PRKAR1B: variants seen among roughly 807,000 people sequenced by gnomAD.
PRKAR1B encodes the protein cAMP-dependent protein kinase type I-beta regulatory subunit.
PRKAR1B carries 22 observed loss-of-function variants against 46.5 expected under a neutral mutation model. The observed-to-expected ratio is 0.47, with a 90% CI of 0.34 to 0.68. The LOEUF (loss-of-function observed/expected upper bound fraction) is 0.68. Ranked by LOEUF, PRKAR1B falls within the 30% of genes least tolerant of loss-of-function variation. The pLI is 0.01. For synonymous variants in PRKAR1B, 259 were observed against 217.7 expected, an observed-to-expected ratio of 1.19 and a Z score of -1.67; for missense variants, 445 against 535.6, an observed-to-expected ratio of 0.83 and a Z score of 1.67.
chr7:639,044 C>CT (rs1784263193), intron 4 of PRKAR1B, among the ~76,000 whole-genome samples: 1 of 152,086 alleles, frequency 6.6e-6, no homozygotes, highest in South Asian at 2.1e-4. Flanking sequence ...CGCCACTGTA[C>CT]TCCAGCCTGG....
intron 4 of PRKAR1B, among the ~76,000 whole-genome samples, chr7:661,323 C>A (rs1374944743): frequency 4.3e-5 from 3 of 69,080 alleles, no homozygotes; most frequent in African/African-American, 2.0e-4. Context: ...GCACAGGTCC[C>A]CACGCCAACG....
In PRKAR1B at chr7:680,665, T is replaced by G; in HGVS notation, c.239A>C (p.Glu80Ala). The change falls in exon 3 of 11, where the codon GAG (glutamate) becomes GCG (alanine). Residue 80 changes from glutamate to alanine, a missense_variant. Coordinates refer to ENST00000537384, the MANE Select transcript of PRKAR1B (RefSeq NM_001164760.2). ...KSNSQSDSHD[E>A]EVSPTPPNPV... ...GTTCGGGGGGGTGGGCGACACCTCCTCATCATGGGAGTCCGACTGTGAGTT... is the reference window on the plus strand; with the variant it reads ...GTTCGGGGGGGTGGGCGACACCTCCGCATCATGGGAGTCCGACTGTGAGTT... The G allele has an allele frequency of 6.2e-7, 1 of 1,613,562 alleles. No individual in the cohort carries two copies.
At chr7:707,782 C>G (rs1054879399) in intron 2 of PRKAR1B, among the ~76,000 whole-genome samples, 1 of 152,142 alleles carries the variant, frequency 6.6e-6, no homozygotes, top group Non-Finnish European at 1.5e-5. Context: ...CACCCACAAT[C>G]GCCAGCACCA....
In PRKAR1B at chr7:663,612, C is replaced by T. The variant is rs553897151; in HGVS notation, c.440+13617G>A. 1.6e-3 allele frequency among the ~76,000 whole-genome samples: 240 copies of T among 152,238 alleles called. 3 individuals are homozygous for T. The highest frequency in any genetic ancestry group is 5.6e-3 in the African/African-American group (233 of 41,540). ...CAGGAGGGGAGGGGACGGCTGTGTC[C>T]CAGGGTCCTGGCCCTACACAGACCG... On this transcript the variant is annotated intron_variant, in intron 4 of 10. Coordinates refer to ENST00000537384, the MANE Select transcript of PRKAR1B (RefSeq NM_001164760.2).
chr7:571,404 C>T (rs988017339), intron 9 of PRKAR1B, among the ~76,000 whole-genome samples: 6 of 152,334 alleles, frequency 3.9e-5, no homozygotes, highest in African/African-American at 7.2e-5. Context: ...AACAATGGGC[C>T]GTCCCCTGGT....
chr7:689,912 AC>A (rs1779316861), intron 2 of PRKAR1B, among the ~76,000 whole-genome samples: 1 of 151,470 alleles, frequency 6.6e-6, no homozygotes. Flanking sequence ...CAATCTCCTG[AC>A]CTCGTGATCC....
At position 575,809 on chromosome 7, in the gene PRKAR1B, G is replaced by A. The variant is rs140979774; in HGVS notation, c.891+3447C>T. On this transcript the variant is annotated intron_variant, in intron 9 of 10. Coordinates refer to ENST00000537384, the MANE Select transcript of PRKAR1B (RefSeq NM_001164760.2). ...AGGCTGGTCTTGAATGCCTGGGCTC[G>A]AGTGATCCTCTTCCTACCTTGGCCT... Among the ~76,000 whole-genome samples, 1,000 of 152,234 alleles carry A rather than the reference G, an allele frequency of 6.6e-3. 2 individuals carry two copies. The highest frequency in any genetic ancestry group is 0.017 in the Admixed American group (254 of 15,284).
intron 2 of PRKAR1B, among the ~76,000 whole-genome samples, chr7:686,124 C>A (rs1434995707): frequency 6.6e-6 from 1 of 151,942 alleles, no homozygotes; most frequent in East Asian, 1.9e-4. Flanking sequence ...CACAGTGAAA[C>A]CCCGTCTCTA....
chr7:556,795 C>G (rs1778472095), intron 9 of PRKAR1B, among the ~76,000 whole-genome samples: 1 of 152,244 alleles, frequency 6.6e-6, no homozygotes, highest in Non-Finnish European at 1.5e-5. Context: ...CCCAGTAGAG[C>G]TGTGTCTTGA....
chr7:661,247 C>T (rs1180558928), intron 4 of PRKAR1B, among the ~76,000 whole-genome samples: 16 of 80,756 alleles, frequency 2.0e-4, no homozygotes, highest in African/African-American at 3.2e-4. Context: ...GTCCAAATAC[C>T]TACTCTCCCC....
intron 2 of PRKAR1B, among the ~76,000 whole-genome samples, chr7:690,790 A>AAAAAAAAC (rs1442445241): frequency 6.6e-6 from 1 of 152,010 alleles, no homozygotes; most frequent in Non-Finnish European, 1.5e-5. Context: ...TGGGGCTGTA[A>AAAAAAAAC]AAAAAAACAA....
chr7:591,986 A>G (rs1781001116), intron 7 of PRKAR1B, among the ~76,000 whole-genome samples: 1 of 152,254 alleles, frequency 6.6e-6, no homozygotes, highest in South Asian at 2.1e-4. Context: ...CCAGCGTGAC[A>G]GACCCCAGGG....
At chr7:588,623 G>A (rs1780758788) in intron 7 of PRKAR1B, among the ~76,000 whole-genome samples, 1 of 150,398 alleles carries the variant, frequency 6.6e-6, no homozygotes, top group Non-Finnish European at 1.5e-5. Flanking sequence ...TGGTGATGGT[G>A]ATGGTGGTGA....
At chr7:635,594 G>A (rs1055069703) in intron 4 of PRKAR1B, among the ~76,000 whole-genome samples, 2 of 152,196 alleles carry the variant, frequency 1.3e-5, no homozygotes, top group African/African-American at 4.8e-5. Flanking sequence ...GAGCCCGGAA[G>A]GCTCGGGACT....
At chr7:716,183 GA>G in intron 1 of PRKAR1B, among the ~76,000 whole-genome samples, 1 of 151,550 alleles carries the variant, frequency 6.6e-6, no homozygotes. Flanking sequence ...GAGTAGTTGG[GA>G]TCACAGGTGC....
intron 9 of PRKAR1B, among the ~76,000 whole-genome samples, chr7:577,863 G>C (rs571633679): frequency 6.6e-6 from 1 of 152,368 alleles, no homozygotes; most frequent in Non-Finnish European, 1.5e-5. Context: ...TGGTGTTACA[G>C]CTCGGAGCCG....
At chr7:662,190 C>T (rs1157844043) in intron 4 of PRKAR1B, among the ~76,000 whole-genome samples, 4 of 102,610 alleles carry the variant, frequency 3.9e-5, no homozygotes, top group Admixed American at 9.1e-5. Context: ...TACCTACTCT[C>T]CCCCCCATGG....
At chr7:625,082 T>C (rs1783312610) in intron 4 of PRKAR1B, among the ~76,000 whole-genome samples, 1 of 152,134 alleles carries the variant, frequency 6.6e-6, no homozygotes. Context: ...CGGAAGTGAA[T>C]TAAACTAGAA....
In PRKAR1B at chr7:591,426, A is replaced by G. The variant is rs181721053; in HGVS notation, c.708+4720T>C. ...GGCACGGGGAGGGCGGGGGCGCTAG[A>G]AGTGGCTTCTTAACACCGGTCCCAC... On this transcript the variant is annotated intron_variant, in intron 7 of 10. Coordinates refer to ENST00000537384, the MANE Select transcript of PRKAR1B (RefSeq NM_001164760.2). Among the ~76,000 whole-genome samples, 896 of 151,932 alleles carry G rather than the reference A, an allele frequency of 5.9e-3. 5 individuals are homozygous for G. Among genetic ancestry groups the G allele is most frequent in the Non-Finnish European group, 9.3e-3 (635 of 68,018 alleles).
Sources: gnomAD v4.1 joint callset for allele counts (sites outside exome capture counted in the v4.1 genomes callset) on GRCh38, gnomAD v4.1.1 for gene constraint, MANE v1.5 for transcripts, NCBI Gene and HGNC (gene_info 2026-07-23, HGNC 2026-07-21) for gene names.